The following ITGA8 variants were observed in gnomAD, a reference collection of about 807,000 sequenced individuals.
The protein encoded by ITGA8 is integrin alpha-8.
Under a neutral mutation model 142.3 loss-of-function variants are expected in ITGA8, and 91 were observed. That is an observed-to-expected ratio of 0.64 (90% CI 0.54 to 0.76). The LOEUF (loss-of-function observed/expected upper bound fraction) is 0.76, where lower values mean the gene tolerates loss of function less well. Ranked by LOEUF, ITGA8 falls within the 30% of genes least tolerant of loss-of-function variation. ITGA8 has a pLI of 0.00. For missense variants in ITGA8, 1,406 were observed against 1,327.7 expected (o/e 1.06, Z -0.92); for synonymous variants, 505 against 485.2 (o/e 1.04, Z -0.54).
At chr10:15,586,558 T>C (rs1454225264) in intron 23 of ITGA8, 26 bp downstream of exon 23, 2 of 1,359,098 alleles carry the variant, frequency 1.5e-6, no homozygotes, top group East Asian at 2.3e-5. Context: ...AGAAGGATAT[T>C]GTACTATGCA....
chr10:15,667,159 TG>T (rs1276448675), intron 8 of ITGA8, among the ~76,000 whole-genome samples: 1 of 152,224 alleles, frequency 6.6e-6, no homozygotes, highest in Non-Finnish European at 1.5e-5. Flanking sequence ...GGAATTTTTT[TG>T]GTTGGTAAGC....
intron 8 of ITGA8, 30 bp downstream of exon 8, chr10:15,671,572 TA>T: frequency 6.3e-7 from 1 of 1,584,454 alleles, no homozygotes; most frequent in Non-Finnish European, 8.7e-7. Flanking sequence ...CCATGCTTTA[TA>T]AGTGATTTAA....
At chr10:15,675,212 G>C (rs902743673) in intron 6 of ITGA8, among the ~76,000 whole-genome samples, 32 of 152,084 alleles carry the variant, frequency 2.1e-4, no homozygotes, top group African/African-American at 7.0e-4. Context: ...TAAATACTTA[G>C]GTGAAACCCT....
chr10:15,627,426 G>A (rs2131630061), intron 13 of ITGA8, among the ~76,000 whole-genome samples: 1 of 152,274 alleles, frequency 6.6e-6, no homozygotes, highest in South Asian at 2.1e-4. Flanking sequence ...GGCTTACGCT[G>A]GCTATCTCGT....
chr10:15,657,715 A>G (rs1304983975), intron 10 of ITGA8, among the ~76,000 whole-genome samples: 9 of 151,750 alleles, frequency 5.9e-5, no homozygotes. Context: ...TCTCCAGGCA[A>G]TCGATTTTTC....
chr10:15,553,450 G>C (rs1489018220), intron 26 of ITGA8, among the ~76,000 whole-genome samples: 1 of 152,010 alleles, frequency 6.6e-6, no homozygotes, highest in Non-Finnish European at 1.5e-5. Context: ...CTACTGTCAA[G>C]ATGAAATAAA....
chr10:15,608,203 C>G, intron 16 of ITGA8, 32 bp downstream of exon 16: 1 of 1,493,562 alleles, frequency 6.7e-7, no homozygotes, highest in Non-Finnish European at 9.3e-7. Context: ...TCTTAGTATA[C>G]CATAAGAATG....
Position 15,605,635 on chromosome 10 carries a change from T to C in ITGA8, c.1970+89A>G, listed in dbSNP as rs997724672. On this transcript the variant is annotated intron_variant, in intron 19 of 29. Transcript: ENST00000378076. ...ACGCAGCATAGTTTTTGGTAGTTATTGGAAGTGTATACTTTCTCCAGAGAA... is the reference window on the plus strand; with the variant it reads ...ACGCAGCATAGTTTTTGGTAGTTATCGGAAGTGTATACTTTCTCCAGAGAA... The C allele has an allele frequency of 7.7e-6, 8 of 1,045,172 alleles. No individual in the cohort carries two copies. The African/African-American group carries it at 1.3e-4, about 16-fold the overall frequency. 64.7% of individuals were successfully genotyped at this position (1,045,172 alleles called of 1,614,324 possible).
intron 2 of ITGA8, among the ~76,000 whole-genome samples, chr10:15,694,341 A>ATATATCAGATAATATATAT (rs1835001364): frequency 9.9e-5 from 1 of 10,100 alleles, no homozygotes; most frequent in Non-Finnish European, 5.5e-4. Context: ...ATCATATATC[A>ATATATCAGATAATATATAT]GATAATATAT....
chr10:15,516,461 G>A lies in ITGA8; in HGVS notation c.*697C>T, dbSNP rs1041580187. 1.3e-5 allele frequency: 2 copies of A among 152,174 alleles called. No individual in the cohort carries two copies. The highest frequency in any genetic ancestry group is 4.8e-5 in the African/African-American group (2 of 41,440). 9.4% of individuals were successfully genotyped at this position (152,174 alleles called of 1,614,324 possible). Reference sequence around the variant, plus strand: ...CTAAATGAGTTATCTGCACACAGTGGTTCTTAGGAGGAAACTGAGTGAGTG... The same window carrying A: ...CTAAATGAGTTATCTGCACACAGTGATTCTTAGGAGGAAACTGAGTGAGTG... On this transcript the variant is annotated 3_prime_UTR_variant, in exon 30 of 30. Coordinates refer to ENST00000378076, the MANE Select transcript of ITGA8 (RefSeq NM_003638.3).
At chr10:15,571,923 G>A (rs1387014196) in intron 25 of ITGA8, among the ~76,000 whole-genome samples, 2 of 152,142 alleles carry the variant, frequency 1.3e-5, no homozygotes, top group Admixed American at 6.5e-5. Flanking sequence ...TTATGATTTT[G>A]GTTTGGATGT....
At chr10:15,579,592 G>A (rs774863620) in intron 23 of ITGA8, among the ~76,000 whole-genome samples, 2 of 151,932 alleles carry the variant, frequency 1.3e-5, no homozygotes, top group Non-Finnish European at 2.9e-5. Flanking sequence ...TACATTAATT[G>A]TAAATTTTGA....
chr10:15,549,122 G>C (rs755184132), intron 26 of ITGA8, among the ~76,000 whole-genome samples: 1 of 151,128 alleles, frequency 6.6e-6, no homozygotes, highest in Admixed American at 6.6e-5. Flanking sequence ...TATATGAAAT[G>C]TGTGTTCCTC....
intron 8 of ITGA8, among the ~76,000 whole-genome samples, chr10:15,664,575 T>C (rs984212201): frequency 6.6e-6 from 1 of 151,964 alleles, no homozygotes; most frequent in Non-Finnish European, 1.5e-5. Context: ...TGCAGGTTTG[T>C]TACATATGTA....
At chr10:15,523,604 G>A (rs990058297) in intron 28 of ITGA8, among the ~76,000 whole-genome samples, 1 of 152,062 alleles carries the variant, frequency 6.6e-6, no homozygotes, top group Admixed American at 6.6e-5. Flanking sequence ...GTAACATTAA[G>A]TTTGTTTAAA....
rs548007737 is a variant in ITGA8, at chr10:15,534,054, G to C, written c.2881-2903C>G. On this transcript the variant is annotated intron_variant, in intron 27 of 29. Coordinates refer to ENST00000378076, the MANE Select transcript of ITGA8 (RefSeq NM_003638.3). ...CCCAAGTAGCTGGGACTACAGGCAA[G>C]TACCACCATGCTTGGCTAATTTTTG... Among the ~76,000 whole-genome samples, 10 of 151,678 alleles carry C rather than the reference G, an allele frequency of 6.6e-5. No homozygotes were observed. The East Asian group carries it at 1.4e-3, about 21-fold the overall frequency.
At chr10:15,660,545 G>T (rs1834265597) in intron 9 of ITGA8, among the ~76,000 whole-genome samples, 3 of 152,212 alleles carry the variant, frequency 2.0e-5, no homozygotes. Context: ...AACTGACAAT[G>T]GTTCAAAAGT....
chr10:15,591,803 C>G (rs899011800), intron 22 of ITGA8, among the ~76,000 whole-genome samples: 9 of 152,166 alleles, frequency 5.9e-5, no homozygotes, highest in African/African-American at 2.2e-4. Flanking sequence ...ATCAGAGATT[C>G]ATTCATTCTT....
chr10:15,550,408 C>T (rs1410130257), intron 26 of ITGA8, among the ~76,000 whole-genome samples: 1 of 152,172 alleles, frequency 6.6e-6, no homozygotes, highest in Non-Finnish European at 1.5e-5. Context: ...ACCTGTGCTT[C>T]ACGGCTGACA....
Sources: allele counts gnomAD v4.1 joint callset (sites outside exome capture counted in the v4.1 genomes callset), GRCh38; gene constraint gnomAD v4.1.1; transcripts MANE v1.5; gene names NCBI Gene and HGNC (gene_info 2026-07-23, HGNC 2026-07-21).